Variants in MAF observed in about 807,000 individuals in gnomAD.
The protein encoded by MAF is MAF bZIP transcription factor.
MAF carries 10 observed loss-of-function variants against 22.0 expected under a neutral mutation model. The observed-to-expected ratio is 0.45, with a 90% CI of 0.28 to 0.77. The LOEUF is 0.77. Ranked by LOEUF, MAF falls within the 30% of genes least tolerant of loss-of-function variation. The probability of loss-of-function intolerance (pLI) is 0.12; values close to 1 mark genes in which losing one functional copy is unlikely to be tolerated. For missense variants in MAF, 544 were observed against 548.4 expected, an observed-to-expected ratio of 0.99 and a Z score of 0.08; for synonymous variants, 337 against 255.8, an observed-to-expected ratio of 1.32 and a Z score of -3.03.
the MAF span, among the ~76,000 whole-genome samples, chr16:79,307,587 A>G: frequency 6.6e-6 from 1 of 152,208 alleles, no homozygotes; most frequent in African/African-American, 2.4e-5. Context: ...GTTCACTGCT[A>G]CCCTTTACTA....
the MAF span, among the ~76,000 whole-genome samples, chr16:79,494,136 CAA>C: frequency 6.6e-6 from 1 of 152,142 alleles, no homozygotes; most frequent in African/African-American, 2.4e-5. Flanking sequence ...GCTGCCATAA[CAA>C]ATGACCATGA....
At chr16:79,253,665 C>T in the MAF span, among the ~76,000 whole-genome samples, 1 of 152,008 alleles carries the variant, frequency 6.6e-6, no homozygotes, top group Non-Finnish European at 1.5e-5. Flanking sequence ...CACTGAGCTC[C>T]CTCCTTTCCT....
chr16:79,338,264 G>A, the MAF span, among the ~76,000 whole-genome samples: 2 of 152,202 alleles, frequency 1.3e-5, no homozygotes, highest in Non-Finnish European at 2.9e-5. Context: ...TGAGGTCTGA[G>A]TGAAGGTCAG....
the MAF span, among the ~76,000 whole-genome samples, chr16:79,238,007 G>C: frequency 1.3e-5 from 2 of 152,070 alleles, no homozygotes; most frequent in African/African-American, 4.8e-5. Flanking sequence ...GACCTGGCCT[G>C]TGTCACCTTT....
the MAF span, among the ~76,000 whole-genome samples, chr16:79,462,294 T>A: frequency 6.6e-6 from 1 of 152,204 alleles, no homozygotes. Context: ...CATTTTTAGG[T>A]GAGGAAACTG....
the MAF span, among the ~76,000 whole-genome samples, chr16:79,512,068 T>C: frequency 6.6e-6 from 1 of 152,316 alleles, no homozygotes; most frequent in African/African-American, 2.4e-5. Context: ...TCTTTTTGAT[T>C]ATTCCCTGTG....
the MAF span, among the ~76,000 whole-genome samples, chr16:79,549,123 A>G: frequency 6.6e-6 from 1 of 152,228 alleles, no homozygotes; most frequent in African/African-American, 2.4e-5. Flanking sequence ...TAATGTATGC[A>G]AAGTGCATAC....
chr16:79,555,541 T>A, the MAF span, among the ~76,000 whole-genome samples: 1 of 131,718 alleles, frequency 7.6e-6, no homozygotes, highest in Non-Finnish European at 1.8e-5. Flanking sequence ...AACTACACAG[T>A]GGAAAGATAC....
chr16:79,595,428 G>A (rs1286249191), intron 1 of MAF: 56 of 1,055,294 alleles, frequency 5.3e-5, no homozygotes, highest in Non-Finnish European at 6.4e-5. Flanking sequence ...TTTCTTTTAA[G>A]AACGGCAGAA....
At chr16:79,445,314 A>G in the MAF span, among the ~76,000 whole-genome samples, 26 of 151,980 alleles carry the variant, frequency 1.7e-4, no homozygotes, top group Non-Finnish European at 3.8e-4. Context: ...AAGTGCTGGG[A>G]TTACAGGCGT....
At chr16:79,360,291 G>A in the MAF span, among the ~76,000 whole-genome samples, 2 of 152,168 alleles carry the variant, frequency 1.3e-5, no homozygotes, top group Admixed American at 1.3e-4. Context: ...CTCTCCTGGG[G>A]AATCTCACCT....
the MAF span, among the ~76,000 whole-genome samples, chr16:79,307,434 A>T: frequency 6.6e-6 from 1 of 152,238 alleles, no homozygotes; most frequent in South Asian, 2.1e-4. Flanking sequence ...CCTGGCTAGA[A>T]GCAACGCATC....
the MAF span, among the ~76,000 whole-genome samples, chr16:79,227,437 T>G: frequency 2.0e-5 from 3 of 152,140 alleles, no homozygotes; most frequent in Admixed American, 6.6e-5. Context: ...CATCTCCCTG[T>G]GACTTTGGCC....
the MAF span, among the ~76,000 whole-genome samples, chr16:79,246,254 TA>T: frequency 6.6e-6 from 1 of 152,254 alleles, no homozygotes; most frequent in South Asian, 2.1e-4. Flanking sequence ...ATAAGCATTT[TA>T]CACTAAATCG....
At chr16:79,595,300 G>A (rs1913450532) in intron 1 of MAF, 1 of 1,048,980 alleles carries the variant, frequency 9.5e-7, no homozygotes, top group African/African-American at 1.7e-5. Flanking sequence ...CTGTCTTCGT[G>A]TTTTGTAAAA....
At chr16:79,203,241 T>G in the MAF span, 1 of 152,200 alleles carries the variant, frequency 6.6e-6, no homozygotes, top group South Asian at 2.1e-4. Flanking sequence ...TGAGACACTC[T>G]CCACAGTATG....
the MAF span, among the ~76,000 whole-genome samples, chr16:79,254,165 TAATC>T: frequency 2.4e-4 from 37 of 152,038 alleles, no homozygotes; most frequent in African/African-American, 8.0e-4. Context: ...AAGAGAAAAA[TAATC>T]AAGCATATTA....
At chr16:79,575,904 G>A in the MAF span, among the ~76,000 whole-genome samples, 1 of 152,054 alleles carries the variant, frequency 6.6e-6, no homozygotes, top group Non-Finnish European at 1.5e-5. Flanking sequence ...CATCACAAAT[G>A]TCTGGGTCAA....
chr16:79,386,023 C>T, the MAF span, among the ~76,000 whole-genome samples: 5 of 152,188 alleles, frequency 3.3e-5, no homozygotes, highest in African/African-American at 1.2e-4. Context: ...AGCCTGTCCT[C>T]AGAGCTTAGA....
Sources: allele counts gnomAD v4.1 joint callset (sites outside exome capture counted in the v4.1 genomes callset), GRCh38; gene constraint gnomAD v4.1.1; transcripts MANE v1.5; gene names NCBI Gene and HGNC (gene_info 2026-07-23, HGNC 2026-07-21).